Variants in RANBP2 observed in about 807,000 individuals in gnomAD.
RANBP2 encodes RAN binding protein 2, also known as E3 SUMO-protein ligase RanBP2.
In RANBP2, 57 loss-of-function variants were observed where a neutral mutation model predicts 303.6. That is an observed-to-expected ratio of 0.19 (90% CI 0.15 to 0.23). RANBP2 has a LOEUF of 0.23. RANBP2 is among the 10% of genes least tolerant of loss of function. RANBP2 has a pLI of 1.00. For synonymous variants in RANBP2, 1,167 were observed against 1,301.5 expected (o/e 0.90, Z 2.23); for missense variants, 3,138 against 3,780.8 (o/e 0.83, Z 4.46).
chr2:109,113,502 T>C, the RANBP2 span, among the ~76,000 whole-genome samples: 1 of 152,246 alleles, frequency 6.6e-6, no homozygotes, highest in Non-Finnish European at 1.5e-5. Flanking sequence ...AAGACTTTGC[T>C]GAAGTTGCTT....
the RANBP2 span, among the ~76,000 whole-genome samples, chr2:109,508,068 CT>C: frequency 6.6e-6 from 1 of 152,160 alleles, no homozygotes; most frequent in Non-Finnish European, 1.5e-5. Flanking sequence ...CTCCACGTGG[CT>C]CCTTCCTCAG....
the RANBP2 span, chr2:109,794,561 A>ACGGCGGCGGCGGCGGCGGCGG: frequency 1.2e-3 from 1 of 820 alleles, no homozygotes; most frequent in African/African-American, 3.6e-3. Context: ...GAAGAGAGCG[A>ACGGCGGCGGCGGCGGCGGCGG]CGGCGGCCTC....
Position 108,782,873 on chromosome 2 carries a change from T to C in RANBP2, c.9369+11T>C. ...GATTTTGTTTGCCAAGTAGGTATTATTAAGTACATACCACAATTGAGGTCT... is the reference window on the plus strand; with the variant it reads ...GATTTTGTTTGCCAAGTAGGTATTACTAAGTACATACCACAATTGAGGTCT... On this transcript the variant is annotated intron_variant, in intron 28 of 28. Transcript: ENST00000283195. 6.3e-7 allele frequency: 1 copy of C among 1,599,946 alleles called. No individual in the cohort carries two copies. The highest frequency in any genetic ancestry group is 8.5e-7 in the Non-Finnish European group (1 of 1,170,008).
At chr2:108,928,090 C>A in the RANBP2 span, among the ~76,000 whole-genome samples, 1 of 152,140 alleles carries the variant, frequency 6.6e-6, no homozygotes, top group Non-Finnish European at 1.5e-5. Flanking sequence ...AAGTCTTCAG[C>A]GGTGGTTTCC....
rs1281730499 is a variant in RANBP2, at chr2:108,751,347, A to G, written c.1357A>G (p.Ile453Val). 2.5e-6 allele frequency: 4 copies of G among 1,611,896 alleles called. No individual in the cohort carries two copies. The highest frequency in any genetic ancestry group is 2.2e-5 in the South Asian group (2 of 90,994). ...QWNSLPALPG[I>V]RKWLKQLFHH... ...GAATTCATTGCCTGCTTTACCTGGA[A>G]TCCGAAAATGGCTAAAACAGCTTTT... Residue 453 changes from isoleucine (I) to valine (V), a missense_variant, in exon 10 of 29, where the codon ATC (isoleucine) becomes GTC (valine). Coordinates refer to ENST00000283195, the MANE Select transcript of RANBP2 (RefSeq NM_006267.5).
chr2:108,803,170 A>G, the RANBP2 span, among the ~76,000 whole-genome samples: 1 of 152,222 alleles, frequency 6.6e-6, no homozygotes, highest in Non-Finnish European at 1.5e-5. Context: ...CTTAGGTAAT[A>G]GTTTTAAACT....
intron 23 of RANBP2, among the ~76,000 whole-genome samples, chr2:108,774,408 CTA>C (rs1318125236): frequency 6.6e-6 from 1 of 152,084 alleles, no homozygotes; most frequent in Non-Finnish European, 1.5e-5. Flanking sequence ...CTGCAGTGCG[CTA>C]TGATTGTGCC....
chr2:109,439,659 GCCAGTGTT>G, the RANBP2 span, among the ~76,000 whole-genome samples: 1 of 152,052 alleles, frequency 6.6e-6, no homozygotes, highest in Non-Finnish European at 1.5e-5. Flanking sequence ...CCTGTAAAGT[GCCAGTGTT>G]CCTTGCACAC....
the RANBP2 span, among the ~76,000 whole-genome samples, chr2:109,420,150 A>T: frequency 6.6e-6 from 1 of 152,214 alleles, no homozygotes; most frequent in African/African-American, 2.4e-5. Flanking sequence ...AGGAAGTGAG[A>T]TGTTTATCTT....
At chr2:108,932,421 C>T in the RANBP2 span, among the ~76,000 whole-genome samples, 2,828 of 145,262 alleles carry the variant, frequency 0.019, 43 homozygotes, top group African/African-American at 0.042. Context: ...CCCAGCTACT[C>T]GGGAGGCTGA....
chr2:108,861,894 C>T, the RANBP2 span, among the ~76,000 whole-genome samples: 4 of 152,196 alleles, frequency 2.6e-5, no homozygotes, highest in Non-Finnish European at 5.9e-5. Context: ...TATGTTATAT[C>T]TTGATTTTCA....
At chr2:109,292,877 T>C in the RANBP2 span, among the ~76,000 whole-genome samples, 2 of 152,066 alleles carry the variant, frequency 1.3e-5, no homozygotes, top group African/African-American at 4.8e-5. Flanking sequence ...GGATTACAGG[T>C]GTGCACCAGC....
chr2:109,553,178 C>A, the RANBP2 span: 3 of 1,614,136 alleles, frequency 1.9e-6, no homozygotes, highest in African/African-American at 4.0e-5. Context: ...CTGACGTTCA[C>A]CATGGAACTC....
chr2:109,611,291 T>C, the RANBP2 span, among the ~76,000 whole-genome samples: 4 of 152,168 alleles, frequency 2.6e-5, no homozygotes, highest in African/African-American at 9.7e-5. Flanking sequence ...GTTCTTAAAC[T>C]TGACACCAAA....
chr2:109,522,043 G>A, the RANBP2 span, among the ~76,000 whole-genome samples: 6 of 152,052 alleles, frequency 3.9e-5, no homozygotes, highest in Admixed American at 6.6e-5. Context: ...GTTTTACTTC[G>A]CAATGTTTAA....
At chr2:109,318,797 C>G in the RANBP2 span, among the ~76,000 whole-genome samples, 32 of 152,224 alleles carry the variant, frequency 2.1e-4, no homozygotes, top group Admixed American at 3.9e-4. Context: ...CTGACGAGCT[C>G]TGGCCTGAGG....
chr2:109,389,059 G>T, the RANBP2 span, among the ~76,000 whole-genome samples: 1 of 152,148 alleles, frequency 6.6e-6, no homozygotes, highest in African/African-American at 2.4e-5. Context: ...TAGGCCCAAG[G>T]CCACACAAGC....
At chr2:108,748,692 C>CT (rs1476620892) in intron 8 of RANBP2, among the ~76,000 whole-genome samples, 1 of 152,074 alleles carries the variant, frequency 6.6e-6, no homozygotes, top group Non-Finnish European at 1.5e-5. Flanking sequence ...ACATTCCTGT[C>CT]TTTTTTCCCC....
intron 6 of RANBP2, among the ~76,000 whole-genome samples, chr2:108,737,456 A>G (rs1325270011): frequency 6.7e-6 from 1 of 149,112 alleles, no homozygotes; most frequent in Non-Finnish European, 1.5e-5. Flanking sequence ...CTCCTGCCTC[A>G]GCCTCCCGAG....
Sources: gnomAD v4.1 joint callset for allele counts (sites outside exome capture counted in the v4.1 genomes callset) on GRCh38, gnomAD v4.1.1 for gene constraint, MANE v1.5 for transcripts, NCBI Gene and HGNC (gene_info 2026-07-23, HGNC 2026-07-21) for gene names.